The following KANSL1 variants were observed in gnomAD, a reference collection of about 807,000 sequenced individuals.
KANSL1 encodes KAT8 regulatory NSL complex subunit 1.
In KANSL1, 22 loss-of-function variants were observed where a neutral mutation model predicts 103.6. The observed-to-expected ratio is 0.21, with a 90% CI of 0.15 to 0.30. The LOEUF is 0.30. Among genes scored for constraint, KANSL1 ranks in the 10% least tolerant of loss-of-function variants. The probability of loss-of-function intolerance (pLI) is 1.00; values close to 1 mark genes in which losing one functional copy is unlikely to be tolerated. For synonymous variants in KANSL1, 600 were observed against 527.6 expected (o/e 1.14, Z -1.88); for missense variants, 1,337 against 1,399.8 (o/e 0.96, Z 0.72).
intron 6 of KANSL1, among the ~76,000 whole-genome samples, chr17:46,063,667 T>C (rs978929985): frequency 5.9e-5 from 9 of 152,368 alleles, no homozygotes; most frequent in African/African-American, 2.2e-4. Context: ...TTTAGTTTTA[T>C]GCCTATCTCT....
intron 1 of KANSL1, among the ~76,000 whole-genome samples, chr17:46,185,087 A>C (rs2046957524): frequency 6.6e-6 from 1 of 152,154 alleles, no homozygotes; most frequent in African/African-American, 2.4e-5. Context: ...TCGGCCTCCC[A>C]AAGTGCTGAG....
intron 4 of KANSL1, among the ~76,000 whole-genome samples, chr17:46,080,085 A>T (rs2078928499): frequency 6.6e-6 from 1 of 152,152 alleles, no homozygotes; most frequent in Non-Finnish European, 1.5e-5. Flanking sequence ...CTATATTTTG[A>T]CAATTCTAAA....
rs71138525 is a variant in KANSL1, at chr17:46,096,311, C to CTTTTTTTTTTTTTTTTT, written c.1290-1627_1290-1611dup. Among the ~76,000 whole-genome samples, 164 of 76,388 alleles carry CTTTTTTTTTTTTTTTTT rather than the reference C, an allele frequency of 2.1e-3. 9 individuals carry two copies. The highest frequency in any genetic ancestry group is 4.1e-3 in the African/African-American group (74 of 17,846). The allele number at this position is 76,388 out of a possible 152,430, so 50.1% of individuals were successfully genotyped here. A position where few individuals can be genotyped will look rare whatever the true frequency, so the allele number is the denominator to read the frequency against. ...CATACTACATACCTGGCTTTTTTTT[C>CTTTTTTTTTTTTTTTTT]TTTTTTTTTTTTTTTTTTTTTGAGA... On this transcript the variant is annotated intron_variant, in intron 2 of 14. Coordinates refer to ENST00000432791, the MANE Select transcript of KANSL1 (RefSeq NM_015443.4).
In KANSL1 at chr17:46,066,608, T is replaced by C; in HGVS notation, c.1777A>G (p.Thr593Ala). The stretch of plus-strand genomic sequence containing the variant: ...TTCTTACAGCTCAGTACAGGACGTG[T>C]CCGGGCTGCCACACAGGTGCCATCA... ...SSDGTCVAAR[T>A]RPVLSCKKRR... Residue 593 changes from threonine (T) to alanine (A), a missense_variant, in exon 6 of 15, where the codon ACA becomes GCA. Coordinates refer to ENST00000432791, the MANE Select transcript of KANSL1 (RefSeq NM_015443.4). 6.2e-7 allele frequency: 1 copy of C among 1,614,172 alleles called. No homozygotes were observed.
chr17:46,211,089 C>T (rs192611450), intron 1 of KANSL1, among the ~76,000 whole-genome samples: 81 of 152,086 alleles, frequency 5.3e-4, no homozygotes, highest in African/African-American at 1.9e-3. Flanking sequence ...AGGTATGTTA[C>T]AGCATGGACA....
chr17:46,076,899 T>A (rs1438458921), intron 4 of KANSL1, among the ~76,000 whole-genome samples: 1 of 152,206 alleles, frequency 6.6e-6, no homozygotes, highest in East Asian at 1.9e-4. Context: ...CCTGGAGACC[T>A]TGGCTAAATC....
intron 2 of KANSL1, among the ~76,000 whole-genome samples, chr17:46,161,269 A>AAATAC (rs1203090087): frequency 6.7e-6 from 1 of 150,320 alleles, no homozygotes; most frequent in Non-Finnish European, 1.5e-5. Flanking sequence ...AAAAAAAAAA[A>AAATAC]AAAAAAAATA....
intron 1 of KANSL1, among the ~76,000 whole-genome samples, chr17:46,172,439 G>A (rs547377893): frequency 1.8e-4 from 27 of 152,178 alleles, no homozygotes; most frequent in Non-Finnish European, 3.5e-4. Flanking sequence ...ACAAGGGAAG[G>A]AAGAATTGCA....
chr17:46,116,542 CCAA>C (rs113260576), intron 2 of KANSL1, among the ~76,000 whole-genome samples: 5 of 151,984 alleles, frequency 3.3e-5, no homozygotes, highest in Admixed American at 1.3e-4. Context: ...AAAACAAAAA[CCAA>C]CAACAACAAA....
chr17:46,095,066 A>G (rs1307069279), intron 2 of KANSL1, among the ~76,000 whole-genome samples: 1 of 152,240 alleles, frequency 6.6e-6, no homozygotes, highest in Admixed American at 6.5e-5. Context: ...TATTAAAACT[A>G]ATAAAGAATT....
chr17:46,034,139 G>A, intron 11 of KANSL1, 22 bp downstream of exon 11: 1 of 1,612,474 alleles, frequency 6.2e-7, no homozygotes, highest in Non-Finnish European at 8.5e-7. Context: ...GGGGAGAGGA[G>A]CCAACTATTC....
chr17:46,073,530 C>T (rs905598793), intron 4 of KANSL1, among the ~76,000 whole-genome samples: 1 of 152,006 alleles, frequency 6.6e-6, no homozygotes, highest in Non-Finnish European at 1.5e-5. Flanking sequence ...CCAAAACGTA[C>T]TGAAATTGCT....
chr17:46,061,959 G>T (rs1160889356), intron 6 of KANSL1, among the ~76,000 whole-genome samples: 3 of 151,822 alleles, frequency 2.0e-5, no homozygotes, highest in African/African-American at 2.4e-5. Flanking sequence ...AGGCGTCGTC[G>T]TGGGTGCCTG....
chr17:46,090,386 T>C (rs967913958), intron 3 of KANSL1, among the ~76,000 whole-genome samples: 26 of 152,252 alleles, frequency 1.7e-4, no homozygotes, highest in African/African-American at 5.5e-4. Flanking sequence ...CTAATCCATT[T>C]GTTGAAAAAG....
intron 3 of KANSL1, chr17:46,093,174 TAGAG>T (rs2079481316): frequency 1.3e-5 from 2 of 152,220 alleles, no homozygotes; most frequent in Non-Finnish European, 2.9e-5. Context: ...GTGTCTCTGA[TAGAG>T]AAAGACTGTG....
At chr17:46,119,115 C>T (rs1041285197) in intron 2 of KANSL1, among the ~76,000 whole-genome samples, 1 of 152,180 alleles carries the variant, frequency 6.6e-6, no homozygotes, top group South Asian at 2.1e-4. Flanking sequence ...TTCCTTTGTT[C>T]CGGGCATTGT....
At chr17:46,140,864 G>C (rs1486762542) in intron 2 of KANSL1, among the ~76,000 whole-genome samples, 3 of 152,144 alleles carry the variant, frequency 2.0e-5, no homozygotes. Context: ...TAATTAAAAA[G>C]ACAATTAGAA....
Position 46,078,526 on chromosome 17 carries a change from C to T in KANSL1, c.1533+3915G>A, listed in dbSNP as rs2078870743. Among the ~76,000 whole-genome samples the T allele has an allele frequency of 2.0e-5, 3 of 150,460 alleles. No individual in the cohort carries two copies. The Admixed American group carries it at 2.0e-4, about 10-fold the overall frequency. ...ATTCCCCTCCTTCAATTTCTACCTA[C>T]TTGGCAGCCCTGAACTCCATCCTCT... is the stretch of plus-strand genomic sequence containing the variant. On this transcript the variant is annotated intron_variant, in intron 4 of 14. Transcript: ENST00000432791.
At chr17:46,095,581 A>G (rs1187523205) in intron 2 of KANSL1, among the ~76,000 whole-genome samples, 1 of 152,234 alleles carries the variant, frequency 6.6e-6, no homozygotes, top group Non-Finnish European at 1.5e-5. Flanking sequence ...TCCCTTCTTC[A>G]TGATATAATT....
Sources: gnomAD v4.1 joint callset for allele counts (sites outside exome capture counted in the v4.1 genomes callset) on GRCh38, gnomAD v4.1.1 for gene constraint, MANE v1.5 for transcripts, NCBI Gene and HGNC (gene_info 2026-07-23, HGNC 2026-07-21) for gene names.